The following PDLIM5 variants were observed in gnomAD, a reference collection of about 807,000 sequenced individuals.
The protein encoded by PDLIM5 is PDZ and LIM domain 5.
Under a neutral mutation model 64.2 loss-of-function variants are expected in PDLIM5, and 34 were observed. The observed-to-expected ratio is 0.53, with a 90% confidence interval of 0.40 to 0.71. The LOEUF is 0.71. PDLIM5 is among the 30% of genes least tolerant of loss of function. PDLIM5 has a pLI of 0.00. For synonymous variants in PDLIM5, 253 were observed against 269.1 expected (o/e 0.94, Z 0.59); for missense variants, 683 against 733.6 (o/e 0.93, Z 0.80).
At chr4:94,523,120 T>C (rs1483783325) in intron 2 of PDLIM5, among the ~76,000 whole-genome samples, 1 of 152,056 alleles carries the variant, frequency 6.6e-6, no homozygotes, top group African/African-American at 2.4e-5. Context: ...AAAAGTTGGG[T>C]TGTCTCAGAT....
chr4:94,464,540 C>T (rs568133638), intron 2 of PDLIM5, among the ~76,000 whole-genome samples: 7 of 152,156 alleles, frequency 4.6e-5, no homozygotes, highest in Non-Finnish European at 7.4e-5. Context: ...TCTGAGAAAA[C>T]GTTACCGGAG....
chr4:94,664,459 T>C lies in PDLIM5; in HGVS notation c.*392T>C. On this transcript the variant is annotated 3_prime_UTR_variant, in exon 13 of 13. Transcript: ENST00000317968. ...ATCTGCAAAAGGCAATGAAAATGCCTTAAATTTTATCAATAACAGAATTAT... is the reference window on the plus strand; with the variant it reads ...ATCTGCAAAAGGCAATGAAAATGCCCTAAATTTTATCAATAACAGAATTAT... The C allele has an allele frequency of 1.3e-6, 1 of 768,244 alleles. No homozygotes were observed. Among genetic ancestry groups the C allele is most frequent in the Non-Finnish European group, 1.6e-6 (1 of 632,044 alleles). 47.6% of individuals were successfully genotyped at this position (768,244 alleles called of 1,614,324 possible). A position where few individuals can be genotyped will look rare whatever the true frequency, so the allele number is the denominator to read the frequency against.
chr4:94,649,122 C>T (rs1266606716), intron 9 of PDLIM5, among the ~76,000 whole-genome samples: 1 of 151,922 alleles, frequency 6.6e-6, no homozygotes, highest in African/African-American at 2.4e-5. Context: ...ACCACGGGCA[C>T]GTGCCACCAT....
intron 3 of PDLIM5, among the ~76,000 whole-genome samples, chr4:94,539,532 A>G (rs938577525): frequency 7.2e-5 from 11 of 152,178 alleles, no homozygotes; most frequent in African/African-American, 2.2e-4. Flanking sequence ...GGGAATAGGT[A>G]GATAAAAGAA....
Position 94,596,585 on chromosome 4 carries a change from C to G in PDLIM5, c.920+10141C>G, listed in dbSNP as rs553681825. ...CACAACTTCAAAAGTTAATTAAGAG[C>G]ATTGATGATAGGCAGACTTCAAAAT... On this transcript the variant is annotated intron_variant, in intron 7 of 12. Transcript: ENST00000317968. Among the ~76,000 whole-genome samples, 8 of 151,748 alleles carry G rather than the reference C, an allele frequency of 5.3e-5. 2 individuals are homozygous for G. In the South Asian group the frequency reaches 1.7e-3, roughly 31 times the overall value.
chr4:94,594,213 C>T (rs770423992), intron 7 of PDLIM5, among the ~76,000 whole-genome samples: 17 of 151,908 alleles, frequency 1.1e-4, no homozygotes, highest in Non-Finnish European at 2.2e-4. Flanking sequence ...ACACTTTTTT[C>T]TTGATATTTT....
At chr4:94,526,688 TTA>T (rs1243163064) in intron 3 of PDLIM5, among the ~76,000 whole-genome samples, 14 of 152,164 alleles carry the variant, frequency 9.2e-5, no homozygotes, top group African/African-American at 3.1e-4. Flanking sequence ...GTTTTCTCTC[TTA>T]TATCAAAGTA....
rs1740898030 is a variant in PDLIM5 at position 94,640,324 on chromosome 4, T to A, written c.1157T>A (p.Val386Glu). The A allele has an allele frequency of 2.5e-6, 4 of 1,612,252 alleles. No homozygotes were observed. Among genetic ancestry groups the A allele is most frequent in the Non-Finnish European group, 3.4e-6 (4 of 1,178,402 alleles). ...ISNSATYSGS[V>E]APANSALGQT... ...AACAGCGCTACTTACTCAGGATCAGTGGCACCAGCCAACTCAGCTTTGGGA... is the reference window on the plus strand; with the variant it reads ...AACAGCGCTACTTACTCAGGATCAGAGGCACCAGCCAACTCAGCTTTGGGA... The change falls in exon 9 of 13, where the codon GTG (valine) becomes GAG (glutamate). Residue 386 changes from valine (V) to glutamate (E), a missense_variant. Val to Glu is a moderately radical substitution (Grantham distance 121). Coordinates refer to ENST00000317968, the MANE Select transcript of PDLIM5 (RefSeq NM_006457.5).
intron 9 of PDLIM5, among the ~76,000 whole-genome samples, chr4:94,651,870 A>G (rs966684268): frequency 2.6e-4 from 40 of 152,180 alleles, no homozygotes; most frequent in African/African-American, 9.7e-4. Flanking sequence ...GTGTCCTGTA[A>G]CAACTACCAG....
At chr4:94,464,957 AT>A (rs1426483157) in intron 2 of PDLIM5, among the ~76,000 whole-genome samples, 4 of 152,146 alleles carry the variant, frequency 2.6e-5, no homozygotes, top group Non-Finnish European at 5.9e-5. Flanking sequence ...TATATTTAAT[AT>A]ATTACTGCCT....
At chr4:94,470,476 T>C (rs1724770014) in intron 2 of PDLIM5, among the ~76,000 whole-genome samples, 1 of 152,236 alleles carries the variant, frequency 6.6e-6, no homozygotes, top group Non-Finnish European at 1.5e-5. Context: ...GTCAGATCTG[T>C]TGAGCTGAAA....
intron 8 of PDLIM5, among the ~76,000 whole-genome samples, chr4:94,637,545 C>T (rs1434993301): frequency 1.3e-5 from 2 of 151,960 alleles, no homozygotes; most frequent in Non-Finnish European, 2.9e-5. Context: ...GGCGACAGGG[C>T]GAGACTCCGT....
chr4:94,540,484 C>T (rs1380418711), intron 3 of PDLIM5, among the ~76,000 whole-genome samples: 1 of 152,192 alleles, frequency 6.6e-6, no homozygotes, highest in African/African-American at 2.4e-5. Context: ...TAACGTCACA[C>T]AGCCAGGATG....
At chr4:94,582,373 A>C (rs572784937) in intron 5 of PDLIM5, among the ~76,000 whole-genome samples, 1 of 152,174 alleles carries the variant, frequency 6.6e-6, no homozygotes, top group Non-Finnish European at 1.5e-5. Context: ...GTCCTTTTAA[A>C]AAATAGTGGA....
At position 94,610,189 on chromosome 4, in the gene PDLIM5, G is replaced by C. The variant is rs182234347; in HGVS notation, c.921-7815G>C. 2.0e-6 allele frequency: 3 copies of C among 1,526,570 alleles called. No homozygotes were observed. The East Asian group carries it at 7.4e-5, about 38-fold the overall frequency. 94.6% of individuals were successfully genotyped at this position (1,526,570 alleles called of 1,614,324 possible). On this transcript the variant is annotated intron_variant, in intron 7 of 12. Coordinates refer to ENST00000317968, the MANE Select transcript of PDLIM5 (RefSeq NM_006457.5). ...AAGCAGCTCCACAGGAAATGTGGAA[G>C]ATTCTTTCGAAGGTTTTCGAAACTT...
intron 3 of PDLIM5, among the ~76,000 whole-genome samples, chr4:94,551,617 C>G (rs956966957): frequency 2.5e-4 from 38 of 152,096 alleles, no homozygotes; most frequent in Admixed American, 4.6e-4. Context: ...ACGTGAAGAT[C>G]TTTGGAAGAA....
intron 9 of PDLIM5, among the ~76,000 whole-genome samples, chr4:94,645,486 C>T (rs1401360630): frequency 1.3e-5 from 2 of 152,154 alleles, no homozygotes; most frequent in Non-Finnish European, 2.9e-5. Flanking sequence ...TGCCCAAAGT[C>T]ACAAAGGTGG....
At chr4:94,632,314 C>T (rs1740221944) in intron 8 of PDLIM5, among the ~76,000 whole-genome samples, 1 of 152,168 alleles carries the variant, frequency 6.6e-6, no homozygotes, top group South Asian at 2.1e-4. Context: ...GTTACTTATC[C>T]TTTCAGAAGT....
intron 8 of PDLIM5, among the ~76,000 whole-genome samples, chr4:94,630,781 C>G (rs115645578): frequency 1.4e-4 from 21 of 152,208 alleles, no homozygotes; most frequent in African/African-American, 4.8e-4. Flanking sequence ...ATAGTTATTC[C>G]TAGATTTGTC....
Sources: allele counts gnomAD v4.1 joint callset (sites outside exome capture counted in the v4.1 genomes callset), GRCh38; gene constraint gnomAD v4.1.1; transcripts MANE v1.5; gene names NCBI Gene and HGNC (gene_info 2026-07-23, HGNC 2026-07-21).